Variants in NIBAN1 observed in about 807,000 individuals in gnomAD.
The protein encoded by NIBAN1 is niban apoptosis regulator 1.
NIBAN1 carries 81 observed loss-of-function variants against 75.1 expected under a neutral mutation model. That is an observed-to-expected ratio of 1.08 (90% CI 0.90 to 1.30). The LOEUF is 1.30. Ranked by LOEUF, NIBAN1 falls within the 50% of genes most tolerant of loss-of-function variation. NIBAN1 has a pLI of 0.00. For missense variants in NIBAN1, 1,133 were observed against 1,128.1 expected, an observed-to-expected ratio of 1.00 and a Z score of -0.06; for synonymous variants, 436 against 424.8, an observed-to-expected ratio of 1.03 and a Z score of -0.32.
chr1:184,874,618 A>G (rs1345233192), intron 5 of NIBAN1, among the ~76,000 whole-genome samples: 1 of 152,110 alleles, frequency 6.6e-6, no homozygotes, highest in Non-Finnish European at 1.5e-5. Flanking sequence ...ACACATATAC[A>G]TGTGTAGATG....
intron 11 of NIBAN1, 90 bp from the exon 12 acceptor site, chr1:184,803,782 CTT>C: frequency 3.9e-6 from 4 of 1,031,622 alleles, no homozygotes; most frequent in Non-Finnish European, 4.5e-6. Flanking sequence ...CTTCACCTCT[CTT>C]TTCCTCCTAA....
intron 5 of NIBAN1, among the ~76,000 whole-genome samples, chr1:184,876,194 A>G (rs1022259441): frequency 1.3e-5 from 2 of 151,986 alleles, no homozygotes; most frequent in Non-Finnish European, 2.9e-5. Context: ...AAAAAAGAAA[A>G]GAGGAAGTTG....
chr1:184,803,795 T>C (rs1009651105), intron 11 of NIBAN1, 103 bp from the exon 12 acceptor site: 2 of 905,620 alleles, frequency 2.2e-6, no homozygotes, highest in African/African-American at 3.3e-5. Flanking sequence ...TTCCTCCTAA[T>C]GTCTGAGAAC....
chr1:184,903,052 G>A (rs572175801), intron 1 of NIBAN1, among the ~76,000 whole-genome samples: 7 of 152,166 alleles, frequency 4.6e-5, no homozygotes, highest in Admixed American at 6.6e-5. Context: ...ATTCATCACC[G>A]TTTTCAAGAT....
Position 184,792,176 on chromosome 1 carries a change from A to G in NIBAN1, c.*2801T>C, listed in dbSNP as rs981529269. On this transcript the variant is annotated 3_prime_UTR_variant, in exon 14 of 14. Transcript: ENST00000367511. ...GGCTTGTCTAGAACTCCTGGGCTCAAGTGACCCTCTCACCTCAGCCTCCCA... is the reference window on the plus strand; with the variant it reads ...GGCTTGTCTAGAACTCCTGGGCTCAGGTGACCCTCTCACCTCAGCCTCCCA... The G allele has an allele frequency of 2.0e-5, 3 of 152,244 alleles. No homozygotes were observed. The highest frequency in any genetic ancestry group is 7.2e-5 in the African/African-American group (3 of 41,454). 9.4% of individuals were successfully genotyped at this position (152,244 alleles called of 1,614,324 possible).
intron 12 of NIBAN1, among the ~76,000 whole-genome samples, chr1:184,801,111 C>T (rs897960966): frequency 1.3e-5 from 2 of 152,102 alleles, no homozygotes; most frequent in African/African-American, 4.8e-5. Flanking sequence ...GAAGGCTTCC[C>T]ACATGTGGCT....
At position 184,862,283 on chromosome 1, in the gene NIBAN1, T is replaced by C. The variant is rs180937296; in HGVS notation, c.601+22350A>G. Among the ~76,000 whole-genome samples, 343 of 152,062 alleles carry C rather than the reference T, an allele frequency of 2.3e-3. 1 individual carries two copies. Among genetic ancestry groups the C allele is most frequent in the Non-Finnish European group, 4.3e-3 (292 of 67,972 alleles). On this transcript the variant is annotated intron_variant, in intron 5 of 13. Coordinates refer to ENST00000367511, the MANE Select transcript of NIBAN1 (RefSeq NM_052966.4). ...CTCCTCAGGTCAGCTTCCTAGTCGA[T>C]GCTCCATTTCTCAACAGGTTTTTCA...
chr1:184,866,765 A>T (rs554539894), intron 5 of NIBAN1, among the ~76,000 whole-genome samples: 31 of 152,274 alleles, frequency 2.0e-4, no homozygotes, highest in Non-Finnish European at 4.0e-4. Flanking sequence ...CAACTCACTC[A>T]TCTATGCTGG....
intron 12 of NIBAN1, among the ~76,000 whole-genome samples, chr1:184,803,078 A>G (rs1230032004): frequency 2.6e-5 from 4 of 152,226 alleles, no homozygotes; most frequent in Non-Finnish European, 5.9e-5. Context: ...TAGAGGTTTT[A>G]AGTGGTTTCA....
At chr1:184,827,458 C>A (rs1159697889) in intron 6 of NIBAN1, among the ~76,000 whole-genome samples, 2 of 151,718 alleles carry the variant, frequency 1.3e-5, no homozygotes, top group Non-Finnish European at 2.9e-5. Context: ...GAGAAAGTAG[C>A]TAATCTAATA....
At chr1:184,827,564 T>TTTTTTTTTG (rs1427083798) in intron 6 of NIBAN1, among the ~76,000 whole-genome samples, 1 of 149,652 alleles carries the variant, frequency 6.7e-6, no homozygotes, top group Non-Finnish European at 1.5e-5. Flanking sequence ...ACTTCAGTTT[T>TTTTTTTTTG]TTTTTTTTTT....
At chr1:184,944,240 T>G (rs1348294475) in intron 1 of NIBAN1, among the ~76,000 whole-genome samples, 1 of 152,216 alleles carries the variant, frequency 6.6e-6, no homozygotes, top group Non-Finnish European at 1.5e-5. Context: ...TGTCCATCTT[T>G]CTGGTGACTA....
chr1:184,870,271 T>C (rs1237344058), intron 5 of NIBAN1, among the ~76,000 whole-genome samples: 1 of 151,292 alleles, frequency 6.6e-6, no homozygotes, highest in Non-Finnish European at 1.5e-5. Context: ...TAATCCTTTA[T>C]ACATGGGAAA....
At chr1:184,858,714 C>G (rs1174791948) in intron 5 of NIBAN1, among the ~76,000 whole-genome samples, 1 of 152,126 alleles carries the variant, frequency 6.6e-6, no homozygotes, top group Non-Finnish European at 1.5e-5. Context: ...GAAATAAGAA[C>G]ATGAGGATAT....
chr1:184,795,485 G>A lies in NIBAN1; in HGVS notation c.2279C>T (p.Pro760Leu). 6.2e-7 allele frequency: 1 copy of A among 1,613,072 alleles called. No homozygotes were observed. The highest frequency in any genetic ancestry group is 2.2e-5 in the East Asian group (1 of 44,876). ...KEPSQAAAIH[P>L]DNCEESEVSE... ...GACTTCACTTTCTTCACAGTTGTCG[G>A]GGTGGATGGCAGCTGCCTGACTGGG... Residue 760 changes from proline (P) to leucine (L), a missense_variant, in exon 14 of 14, where the codon CCC becomes CTC. Pro to Leu is a moderately conservative substitution (Grantham distance 98, BLOSUM62 -3). Coordinates refer to ENST00000367511, the MANE Select transcript of NIBAN1 (RefSeq NM_052966.4).
chr1:184,815,262 G>A (rs145471685), intron 9 of NIBAN1, among the ~76,000 whole-genome samples: 43 of 152,220 alleles, frequency 2.8e-4, no homozygotes, highest in African/African-American at 9.1e-4. Context: ...AGCTTTTTAT[G>A]GTTCACTGAG....
Position 184,887,394 on chromosome 1 carries a change from T to C in NIBAN1, c.434-2594A>G, listed in dbSNP as rs150687864. ...TTTCTGGGGAGAATAAGGCCCCTGA[T>C]TTTTAGTTGGGCAAGTGACTACATA... On this transcript the variant is annotated intron_variant, in intron 4 of 13. Coordinates refer to ENST00000367511, the MANE Select transcript of NIBAN1 (RefSeq NM_052966.4). Among the ~76,000 whole-genome samples the C allele has an allele frequency of 5.8e-4, 89 of 152,324 alleles. 1 individual carries two copies. In the East Asian group the frequency reaches 0.017, roughly 28 times the overall value.
chr1:184,823,046 AT>A lies in NIBAN1; in HGVS notation c.985+120del. 9 of 1,196,182 alleles carry A rather than the reference AT, an allele frequency of 7.5e-6. No homozygotes were observed. The South Asian group carries it at 1.3e-4, about 18-fold the overall frequency. The allele number at this position is 1,196,182 out of a possible 1,614,324, so 74.1% of individuals were successfully genotyped here. A position where few individuals can be genotyped will look rare whatever the true frequency, so the allele number is the denominator to read the frequency against. On this transcript the variant is annotated intron_variant, in intron 8 of 13. Transcript: ENST00000367511. ...CCAGCATGTTCCTGTTGCAGCTGTG[AT>A]CACCTCCTCCCAATTTCTTAAGTGT...
chr1:184,797,689 G>C (rs1653916246), intron 13 of NIBAN1, among the ~76,000 whole-genome samples: 1 of 152,136 alleles, frequency 6.6e-6, no homozygotes, highest in African/African-American at 2.4e-5. Context: ...TTACAAGCCT[G>C]TGCCTAAGAA....
Sources: gnomAD v4.1 joint callset for allele counts (sites outside exome capture counted in the v4.1 genomes callset) on GRCh38, gnomAD v4.1.1 for gene constraint, MANE v1.5 for transcripts, NCBI Gene and HGNC (gene_info 2026-07-23, HGNC 2026-07-21) for gene names.